The following ATP10B variants were observed in gnomAD, a reference collection of about 807,000 sequenced individuals.
ATP10B encodes phospholipid-transporting ATPase VB.
A neutral mutation model predicts 141.2 loss-of-function variants in ATP10B; 122 were observed. The ratio of observed to expected loss-of-function variants is 0.86; its 90% CI spans 0.75 to 1.00. The LOEUF is 1.00. ATP10B is among the 50% of genes least tolerant of loss of function. The pLI is 0.00. For missense variants in ATP10B, 1,876 were observed against 1,825.3 expected, an observed-to-expected ratio of 1.03 and a Z score of -0.51; for synonymous variants, 685 against 692.0, an observed-to-expected ratio of 0.99 and a Z score of 0.16.
At chr5:160,753,122 T>C (rs1267626608) in intron 2 of ATP10B, among the ~76,000 whole-genome samples, 1 of 152,190 alleles carries the variant, frequency 6.6e-6, no homozygotes, top group East Asian at 1.9e-4. Context: ...GACAGAATCA[T>C]TGATTCAAAA....
At chr5:160,679,067 T>TA (rs1435464581) in intron 6 of ATP10B, among the ~76,000 whole-genome samples, 1 of 152,236 alleles carries the variant, frequency 6.6e-6, no homozygotes, top group Non-Finnish European at 1.5e-5. Context: ...CCCAACTGCT[T>TA]AAGTGGCTTC....
intron 25 of ATP10B, among the ~76,000 whole-genome samples, chr5:160,566,622 T>C (rs946418654): frequency 1.3e-5 from 2 of 152,154 alleles, no homozygotes; most frequent in Admixed American, 6.5e-5. Context: ...TGTAGTAGAC[T>C]CTGGAATTGG....
At position 160,628,461 on chromosome 5, in the gene ATP10B, C is replaced by T. The variant is rs534612046; in HGVS notation, c.1620+3668G>A. On this transcript the variant is annotated intron_variant, in intron 13 of 25. Transcript: ENST00000327245. ...AGTGTGTGTATGTGGGCTGTCCCACCGATTTGGAGCAGACTGGGAGTGCTG... is the reference window on the plus strand; with the variant it reads ...AGTGTGTGTATGTGGGCTGTCCCACTGATTTGGAGCAGACTGGGAGTGCTG... Among the ~76,000 whole-genome samples the T allele has an allele frequency of 3.8e-4, 58 of 152,280 alleles. 1 individual carries two copies. The South Asian group carries it at 7.9e-3, about 21-fold the overall frequency.
chr5:160,731,439 A>G (rs978620773), intron 2 of ATP10B, among the ~76,000 whole-genome samples: 1 of 152,242 alleles, frequency 6.6e-6, no homozygotes, highest in Non-Finnish European at 1.5e-5. Context: ...GTAAGGTTAC[A>G]TTAAGACAGT....
intron 2 of ATP10B, among the ~76,000 whole-genome samples, chr5:160,771,866 G>A (rs7733315): frequency 0.16 from 23,635 of 152,104 alleles, 2,656 homozygotes; most frequent in East Asian, 0.42. Context: ...CCACTTGTTC[G>A]GTTCCATACT....
Position 160,565,279 on chromosome 5 carries a change from C to T in ATP10B, c.*174G>A. The stretch of plus-strand genomic sequence containing the variant: ...AGAAAACTAGAGGCCGACTGGGTTT[C>T]CCGTCTTTGTGTCAGACCCCTTGGG... On this transcript the variant is annotated 3_prime_UTR_variant, in exon 26 of 26. Coordinates refer to ENST00000327245, the MANE Select transcript of ATP10B (RefSeq NM_025153.3). 1.5e-6 allele frequency: 1 copy of T among 650,850 alleles called. No individual in the cohort carries two copies. The highest frequency in any genetic ancestry group is 2.6e-6 in the Non-Finnish European group (1 of 382,148). 40.3% of individuals were successfully genotyped at this position (650,850 alleles called of 1,614,324 possible).
At chr5:160,670,385 T>G in intron 7 of ATP10B, 78 bp downstream of exon 7, 1 of 1,434,094 alleles carries the variant, frequency 7.0e-7, no homozygotes. Flanking sequence ...ACCCAGTAGG[T>G]TTAGTTCAAT....
intron 21 of ATP10B, 77 bp downstream of exon 21, chr5:160,602,500 C>G: frequency 6.3e-7 from 1 of 1,592,866 alleles, no homozygotes; most frequent in Non-Finnish European, 8.6e-7. Context: ...GGTGCTTTGC[C>G]CACTGCTAGG....
chr5:160,708,264 T>C (rs1304561069), intron 3 of ATP10B, among the ~76,000 whole-genome samples: 1 of 152,174 alleles, frequency 6.6e-6, no homozygotes, highest in Non-Finnish European at 1.5e-5. Flanking sequence ...TATTCTGATA[T>C]GTGAAATTGA....
chr5:160,813,458 G>T (rs1014232525), intron 1 of ATP10B, among the ~76,000 whole-genome samples: 2 of 152,176 alleles, frequency 1.3e-5, no homozygotes, highest in Admixed American at 1.3e-4. Context: ...CACTGCTGAG[G>T]CTTGAGTAGG....
upstream of ATP10B, among the ~76,000 whole-genome samples, chr5:160,854,402 C>T (rs1227289637): frequency 6.6e-6 from 1 of 152,014 alleles, no homozygotes; most frequent in African/African-American, 2.4e-5. Flanking sequence ...GTTCAACTCC[C>T]ACTTATGAGA....
At chr5:160,657,594 G>T (rs1447357727) in intron 7 of ATP10B, among the ~76,000 whole-genome samples, 2 of 152,150 alleles carry the variant, frequency 1.3e-5, no homozygotes, top group East Asian at 1.9e-4. Flanking sequence ...CTGTTTCCCA[G>T]TTGGGCTGAC....
At chr5:160,779,287 C>T (rs1229689061) in intron 2 of ATP10B, among the ~76,000 whole-genome samples, 1 of 152,140 alleles carries the variant, frequency 6.6e-6, no homozygotes, top group East Asian at 1.9e-4. Context: ...GATTCCTACC[C>T]CCTAAGATTT....
At chr5:160,779,110 C>T (rs1770547106) in intron 2 of ATP10B, among the ~76,000 whole-genome samples, 1 of 152,160 alleles carries the variant, frequency 6.6e-6, no homozygotes, top group Admixed American at 6.6e-5. Context: ...CAACCTGGCC[C>T]TAGCAGTGAC....
chr5:160,751,293 TTCTC>T (rs773691145), intron 2 of ATP10B, among the ~76,000 whole-genome samples: 4 of 152,210 alleles, frequency 2.6e-5, no homozygotes, highest in South Asian at 2.1e-4. Flanking sequence ...CTCCCCCTTT[TTCTC>T]TCTCTCATGT....
At chr5:160,653,944 C>A (rs1198064826) in intron 7 of ATP10B, among the ~76,000 whole-genome samples, 3 of 108,444 alleles carry the variant, frequency 2.8e-5, no homozygotes, top group Non-Finnish European at 5.4e-5. Flanking sequence ...TACGTATATA[C>A]ATATATAAAT....
At chr5:160,652,789 AAT>A (rs1452715759) in intron 7 of ATP10B, among the ~76,000 whole-genome samples, 2 of 102,808 alleles carry the variant, frequency 1.9e-5, no homozygotes, top group Middle Eastern at 4.2e-3. Flanking sequence ...TATATATAAA[AAT>A]ATATAATATA....
the ATP10B span, among the ~76,000 whole-genome samples, chr5:160,858,899 A>G: frequency 1.3e-5 from 2 of 151,912 alleles, no homozygotes; most frequent in African/African-American, 2.4e-5. Flanking sequence ...TGTCCTCTAC[A>G]TATATTTAGA....
chr5:160,580,048 T>C (rs1157313674), intron 24 of ATP10B, among the ~76,000 whole-genome samples: 1 of 152,080 alleles, frequency 6.6e-6, no homozygotes, highest in African/African-American at 2.4e-5. Context: ...GCTTATCAGC[T>C]TAAGATTTGG....
Sources: gnomAD v4.1 joint callset for allele counts (sites outside exome capture counted in the v4.1 genomes callset) on GRCh38, gnomAD v4.1.1 for gene constraint, MANE v1.5 for transcripts, NCBI Gene and HGNC (gene_info 2026-07-23, HGNC 2026-07-21) for gene names.